Variants in EIF4G3 observed in about 807,000 individuals in gnomAD.
EIF4G3 encodes eIF-4-gamma 3.
In EIF4G3, 34 loss-of-function variants were observed where a neutral mutation model predicts 186.4. The observed-to-expected ratio is 0.18, with a 90% confidence interval of 0.14 to 0.24. EIF4G3 has a LOEUF of 0.24. Among genes scored for constraint, EIF4G3 ranks in the 10% least tolerant of loss-of-function variants. EIF4G3 has a pLI of 1.00. For missense variants in EIF4G3, 1,536 were observed against 1,948.5 expected (o/e 0.79, Z 3.99); for synonymous variants, 673 against 679.5 (o/e 0.99, Z 0.15).
chr1:21,124,565 T>A (rs2096992140), intron 2 of EIF4G3, among the ~76,000 whole-genome samples: 1 of 152,214 alleles, frequency 6.6e-6, no homozygotes, highest in Admixed American at 6.5e-5. Context: ...TCAGAAGCCT[T>A]CATGGGACTA....
chr1:20,879,100 C>T (rs763263973), intron 20 of EIF4G3, among the ~76,000 whole-genome samples: 8 of 152,166 alleles, frequency 5.3e-5, no homozygotes, highest in Non-Finnish European at 1.2e-4. Context: ...TGAATGGGCC[C>T]ATCTCATGCC....
At chr1:21,060,010 C>T (rs762800283) in intron 3 of EIF4G3, among the ~76,000 whole-genome samples, 43 of 152,346 alleles carry the variant, frequency 2.8e-4, no homozygotes, top group Middle Eastern at 3.4e-3. Context: ...TATAGTGGCC[C>T]GATCTCGGCT....
chr1:21,053,293 C>T (rs1360636439), intron 3 of EIF4G3, among the ~76,000 whole-genome samples: 1 of 147,670 alleles, frequency 6.8e-6, no homozygotes, highest in African/African-American at 2.5e-5. Flanking sequence ...AGTGAGGAGC[C>T]CCTCCGCCCG....
intron 30 of EIF4G3, among the ~76,000 whole-genome samples, chr1:20,837,234 G>GCC (rs2067015034): frequency 6.6e-6 from 1 of 151,558 alleles, no homozygotes; most frequent in Non-Finnish European, 1.5e-5. Context: ...TTTTTGAGAA[G>GCC]GAGTCTCTGT....
intron 14 of EIF4G3, 91 bp downstream of exon 14, chr1:20,941,400 A>G: frequency 6.2e-7 from 1 of 1,610,646 alleles, no homozygotes; most frequent in Non-Finnish European, 8.5e-7. Context: ...ATGTTTCTGG[A>G]AGTCAAGGAA....
chr1:21,134,748 AAG>A (rs2097209371), intron 2 of EIF4G3, among the ~76,000 whole-genome samples: 1 of 152,204 alleles, frequency 6.6e-6, no homozygotes, highest in Admixed American at 6.5e-5. Flanking sequence ...TCTCTGGTGA[AAG>A]AGAGGAGCAA....
intron 20 of EIF4G3, among the ~76,000 whole-genome samples, chr1:20,875,763 T>G (rs2080583446): frequency 6.6e-6 from 1 of 152,022 alleles, no homozygotes; most frequent in Non-Finnish European, 1.5e-5. Flanking sequence ...AATTTAAAGA[T>G]TAACTGGACA....
chr1:20,826,455 C>T (rs1160709010), intron 32 of EIF4G3, among the ~76,000 whole-genome samples: 2 of 146,734 alleles, frequency 1.4e-5, no homozygotes, highest in African/African-American at 2.5e-5. Context: ...GCGTGAGCCA[C>T]TGTGCCAGCC....
chr1:20,888,803 T>C (rs951519281), intron 18 of EIF4G3, among the ~76,000 whole-genome samples: 10 of 152,224 alleles, frequency 6.6e-5, no homozygotes, highest in African/African-American at 2.4e-4. Flanking sequence ...AAACATTTCA[T>C]GTCCCTTTTT....
chr1:20,943,967 ATT>A (rs34883265), intron 13 of EIF4G3, among the ~76,000 whole-genome samples: 11,752 of 65,182 alleles, frequency 0.18, 2,364 homozygotes, highest in Middle Eastern at 0.2. Flanking sequence ...ACTTGTCTTT[ATT>A]TTTTTTGTGT....
At chr1:20,971,467 G>T (rs1411550338) in intron 11 of EIF4G3, among the ~76,000 whole-genome samples, 1 of 152,184 alleles carries the variant, frequency 6.6e-6, no homozygotes, top group Non-Finnish European at 1.5e-5. Flanking sequence ...TTCTGAGAGT[G>T]TTCTTCAAGT....
Position 21,131,029 on chromosome 1 carries a change from C to CA in EIF4G3, c.-271-41817dup, listed in dbSNP as rs2097142399. ...TCAAGGTGGGTGGATCACCTGAGAT[C>CA]AGGAGTTCAAGACCAGGCTGGCCAA... On this transcript the variant is annotated intron_variant, in intron 2 of 36. Transcript: ENST00000602326. Among the ~76,000 whole-genome samples, 3 of 151,858 alleles carry CA rather than the reference C, an allele frequency of 2.0e-5. No homozygotes were observed. In the South Asian group the frequency reaches 6.2e-4, roughly 32 times the overall value.
chr1:20,913,002 G>A (rs1477502396), intron 14 of EIF4G3, among the ~76,000 whole-genome samples: 1 of 152,122 alleles, frequency 6.6e-6, no homozygotes, highest in African/African-American at 2.4e-5. Context: ...TAACAATGGC[G>A]ATGAAATATG....
intron 34 of EIF4G3, among the ~76,000 whole-genome samples, chr1:20,816,291 T>C (rs1393069278): frequency 1.5e-4 from 2 of 13,078 alleles, no homozygotes; most frequent in Admixed American, 1.7e-3. Flanking sequence ...GTCAGCCCCC[T>C]GCCCGGCCAG....
rs149389829 is a variant in EIF4G3, at chr1:21,153,772, C to T, written c.-272+22403G>A. Among the ~76,000 whole-genome samples, 65 of 152,208 alleles carry T rather than the reference C, an allele frequency of 4.3e-4. 1 individual carries two copies. Among genetic ancestry groups the T allele is most frequent in the African/African-American group, 1.4e-3 (57 of 41,544 alleles). On this transcript the variant is annotated intron_variant, in intron 2 of 36. Coordinates refer to ENST00000602326, the MANE Select transcript of EIF4G3 (RefSeq NM_001391906.1). ...TAGAGACTGGATTTCACCATGTTGGCCAGGCTGGTCTCGAACTCCTGACTT... is the reference window on the plus strand; with the variant it reads ...TAGAGACTGGATTTCACCATGTTGGTCAGGCTGGTCTCGAACTCCTGACTT...
At chr1:21,050,627 C>T (rs1289495676) in intron 4 of EIF4G3, among the ~76,000 whole-genome samples, 2 of 152,100 alleles carry the variant, frequency 1.3e-5, no homozygotes, top group East Asian at 3.8e-4. Flanking sequence ...ACTTCTTAAA[C>T]AATGAAAATG....
At chr1:21,046,148 G>C in intron 4 of EIF4G3, among the ~76,000 whole-genome samples, 1 of 152,304 alleles carries the variant, frequency 6.6e-6, no homozygotes, top group African/African-American at 2.4e-5. Flanking sequence ...ACTCTTCCCA[G>C]AGAACAGACA....
chr1:21,172,289 A>G (rs2097995612), intron 2 of EIF4G3, among the ~76,000 whole-genome samples: 1 of 152,172 alleles, frequency 6.6e-6, no homozygotes, highest in Non-Finnish European at 1.5e-5. Flanking sequence ...TTCTTTTAGA[A>G]AGCCTTAATT....
chr1:21,122,064 A>G (rs951249955), intron 2 of EIF4G3, among the ~76,000 whole-genome samples: 1 of 152,208 alleles, frequency 6.6e-6, no homozygotes, highest in African/African-American at 2.4e-5. Flanking sequence ...GACTGAACCC[A>G]GGTCACATGA....
Sources: allele counts gnomAD v4.1 joint callset (sites outside exome capture counted in the v4.1 genomes callset), GRCh38; gene constraint gnomAD v4.1.1; transcripts MANE v1.5; gene names NCBI Gene and HGNC (gene_info 2026-07-23, HGNC 2026-07-21).